The following ADAMTS3 variants were observed in gnomAD, a reference collection of about 807,000 sequenced individuals.
ADAMTS3 encodes the protein A disintegrin and metalloproteinase with thrombospondin motifs 3.
In ADAMTS3, 73 loss-of-function variants were observed where a neutral mutation model predicts 129.0. The observed-to-expected ratio is 0.57, with a 90% CI of 0.47 to 0.69. ADAMTS3 has a LOEUF of 0.69. Among genes scored for constraint, ADAMTS3 ranks in the 30% least tolerant of loss-of-function variants. ADAMTS3 has a pLI of 0.00. For synonymous variants in ADAMTS3, 477 were observed against 510.8 expected (o/e 0.93, Z 0.89); for missense variants, 1,457 against 1,514.5 (o/e 0.96, Z 0.63).
intron 4 of ADAMTS3, among the ~76,000 whole-genome samples, chr4:72,385,039 A>G (rs1249358006): frequency 1.3e-5 from 2 of 151,934 alleles, no homozygotes; most frequent in African/African-American, 4.8e-5. Context: ...ATTAGCCGGG[A>G]TTGGTGGCGG....
In ADAMTS3 at chr4:72,548,834, T is replaced by C. The variant is rs149097404; in HGVS notation, c.148A>G (p.Thr50Ala). 44 of 1,613,658 alleles carry C rather than the reference T, an allele frequency of 2.7e-5. No individual in the cohort carries two copies. The highest frequency in any genetic ancestry group is 5.9e-6 in the Non-Finnish European group (7 of 1,179,840). Reference protein sequence around the residue: ...REYELVTPVSTNLEGRYLSHT... With the variant: ...REYELVTPVSANLEGRYLSHT... ...GAGAGATAGCGTCCTTCTAGATTTGTGCTGACTGGAGTCACCAGCTCATAC... is the reference window on the plus strand; with the variant it reads ...GAGAGATAGCGTCCTTCTAGATTTGCGCTGACTGGAGTCACCAGCTCATAC... Residue 50 changes from threonine (T) to alanine (A), a missense_variant, in exon 3 of 22, where the codon ACA (threonine) becomes GCA (alanine). Thr to Ala is a moderately conservative substitution (Grantham distance 58). Coordinates refer to ENST00000286657, the MANE Select transcript of ADAMTS3 (RefSeq NM_014243.3).
chr4:72,490,615 C>T (rs1300185647), intron 3 of ADAMTS3, among the ~76,000 whole-genome samples: 4 of 151,894 alleles, frequency 2.6e-5, no homozygotes, highest in Non-Finnish European at 4.4e-5. Context: ...GTCTTTTCCA[C>T]ATTATGTATT....
chr4:72,567,394 T>C lies in ADAMTS3; in HGVS notation c.77A>G (p.Asn26Ser), dbSNP rs762942316. Residue 26 changes from asparagine (N) to serine (S), a missense_variant, in exon 2 of 22, where the codon AAT becomes AGT. Coordinates refer to ENST00000286657, the MANE Select transcript of ADAMTS3 (RefSeq NM_014243.3). The stretch of plus-strand genomic sequence containing the variant: ...CTTACCTATTTGCACCATTTCTTCA[T>C]TACCAGCCTGGAAAGGAGGGGGAAA... ...VRTSADGQAG[N>S]EEMVQIDLPI... is the part of the protein sequence containing the mutation. 6.3e-7 allele frequency: 1 copy of C among 1,587,158 alleles called. No individual in the cohort carries two copies. Among genetic ancestry groups the C allele is most frequent in the Non-Finnish European group, 8.6e-7 (1 of 1,166,112 alleles).
chr4:72,281,432 C>T lies in ADAMTS3; in HGVS notation c.*1704G>A, dbSNP rs1001231575. The T allele has an allele frequency of 6.6e-6, 1 of 152,510 alleles. No homozygotes were observed. The highest frequency in any genetic ancestry group is 2.4e-5 in the African/African-American group (1 of 41,446). The allele number at this position is 152,510 out of a possible 1,614,324, so 9.4% of individuals were successfully genotyped here. A position where few individuals can be genotyped will look rare whatever the true frequency, so the allele number is the denominator to read the frequency against. ...TTAGTTTGTATAATATATTTTTAGA[C>T]AGCTCAGGTACTGACCTCAAAATCA... On this transcript the variant is annotated 3_prime_UTR_variant, in exon 22 of 22. Coordinates refer to ENST00000286657, the MANE Select transcript of ADAMTS3 (RefSeq NM_014243.3).
intron 4 of ADAMTS3, among the ~76,000 whole-genome samples, chr4:72,351,071 T>TG (rs1186135008): frequency 6.6e-6 from 1 of 151,966 alleles, no homozygotes; most frequent in Non-Finnish European, 1.5e-5. Flanking sequence ...GACAATAAGC[T>TG]GGGGCAATCC....
chr4:72,492,117 CTT>C (rs904396167), intron 3 of ADAMTS3, among the ~76,000 whole-genome samples: 6 of 151,616 alleles, frequency 4.0e-5, no homozygotes, highest in Non-Finnish European at 5.9e-5. Context: ...AATGTCTCCT[CTT>C]ATATTTCTGA....
intron 10 of ADAMTS3, among the ~76,000 whole-genome samples, chr4:72,316,503 T>C (rs1719399251): frequency 6.6e-6 from 1 of 151,976 alleles, no homozygotes; most frequent in Non-Finnish European, 1.5e-5. Context: ...CTGGTCAACA[T>C]AGTGAAACCC....
At chr4:72,502,757 A>G (rs1720057355) in intron 3 of ADAMTS3, among the ~76,000 whole-genome samples, 1 of 152,116 alleles carries the variant, frequency 6.6e-6, no homozygotes, top group South Asian at 2.1e-4. Flanking sequence ...TCTGGGGTAC[A>G]TGTGCAGAAC....
chr4:72,456,363 A>ATGTACTC (rs1718617628), intron 3 of ADAMTS3, among the ~76,000 whole-genome samples: 2 of 1,756 alleles, frequency 1.1e-3, no homozygotes, highest in African/African-American at 3.4e-3. Context: ...AGTATATAGT[A>ATGTACTC]TACAATATAT....
intron 4 of ADAMTS3, among the ~76,000 whole-genome samples, chr4:72,356,473 T>C (rs1578610397): frequency 6.6e-6 from 1 of 152,072 alleles, no homozygotes; most frequent in South Asian, 2.1e-4. Context: ...ATAATGTTTT[T>C]GTAATCCCTA....
chr4:72,476,367 G>C (rs1252378960), intron 3 of ADAMTS3, among the ~76,000 whole-genome samples: 1 of 151,922 alleles, frequency 6.6e-6, no homozygotes, highest in Non-Finnish European at 1.5e-5. Context: ...TAACAACTTA[G>C]ACAAAATAAA....
At chr4:72,334,236 A>C (rs1323173399) in intron 5 of ADAMTS3, among the ~76,000 whole-genome samples, 1 of 152,108 alleles carries the variant, frequency 6.6e-6, no homozygotes, top group African/African-American at 2.4e-5. Flanking sequence ...CATAGTTCTT[A>C]TGTAACCTAT....
In ADAMTS3 at chr4:72,548,983, C is replaced by CA. The variant is rs1293731133; in HGVS notation, c.98-100dup. On this transcript the variant is annotated intron_variant, in intron 2 of 21. Coordinates refer to ENST00000286657, the MANE Select transcript of ADAMTS3 (RefSeq NM_014243.3). ...CTGCCCACCTCACAAGACCATACTT[C>CA]AATGTGCATAATATAGACATTCCTG... The CA allele has an allele frequency of 1.1e-5, 12 of 1,074,214 alleles. No homozygotes were observed. In the East Asian group the frequency reaches 2.9e-4, roughly 26 times the overall value. The allele number at this position is 1,074,214 out of a possible 1,614,324, so 66.5% of individuals were successfully genotyped here. A position where few individuals can be genotyped will look rare whatever the true frequency, so the allele number is the denominator to read the frequency against.
Position 72,541,297 on chromosome 4 carries a change from C to G in ADAMTS3, c.504+7181G>C, listed in dbSNP as rs536343310. Among the ~76,000 whole-genome samples, 3 of 152,276 alleles carry G rather than the reference C, an allele frequency of 2.0e-5. No individual in the cohort carries two copies. The South Asian group carries it at 6.2e-4, about 32-fold the overall frequency. On this transcript the variant is annotated intron_variant, in intron 3 of 21. Coordinates refer to ENST00000286657, the MANE Select transcript of ADAMTS3 (RefSeq NM_014243.3). ...AGCCCCTTTGTTTTGGCCAGTTTCTCCCACTTGGAATGGGTGTATTTACCC... is the reference window on the plus strand; with the variant it reads ...AGCCCCTTTGTTTTGGCCAGTTTCTGCCACTTGGAATGGGTGTATTTACCC...
chr4:72,549,275 GA>G (rs1721550310), intron 2 of ADAMTS3, among the ~76,000 whole-genome samples: 2 of 152,148 alleles, frequency 1.3e-5, no homozygotes, highest in African/African-American at 4.8e-5. Flanking sequence ...TTATTATGTA[GA>G]AAAAAGAATT....
chr4:72,500,995 A>G (rs1279636097), intron 3 of ADAMTS3, among the ~76,000 whole-genome samples: 1 of 152,170 alleles, frequency 6.6e-6, no homozygotes, highest in Non-Finnish European at 1.5e-5. Context: ...TGCATGTACC[A>G]TGCTGTTTTA....
intron 21 of ADAMTS3, among the ~76,000 whole-genome samples, chr4:72,285,876 C>T (rs898504718): frequency 6.6e-6 from 1 of 151,950 alleles, no homozygotes; most frequent in Non-Finnish European, 1.5e-5. Flanking sequence ...TCTCGTTCCA[C>T]CCCCAAATCA....
chr4:72,441,233 G>A (rs565221780), intron 3 of ADAMTS3, among the ~76,000 whole-genome samples: 1 of 151,788 alleles, frequency 6.6e-6, no homozygotes, highest in East Asian at 2.0e-4. Flanking sequence ...ATTGTTGCAT[G>A]AATCAGTAGT....
intron 3 of ADAMTS3, among the ~76,000 whole-genome samples, chr4:72,521,186 C>G (rs989237559): frequency 8.6e-5 from 13 of 151,982 alleles, no homozygotes; most frequent in African/African-American, 3.1e-4. Context: ...TTAGTAGAGA[C>G]AGGGTTTCAC....
Sources: gnomAD v4.1 joint callset for allele counts (sites outside exome capture counted in the v4.1 genomes callset) on GRCh38, gnomAD v4.1.1 for gene constraint, MANE v1.5 for transcripts, NCBI Gene and HGNC (gene_info 2026-07-23, HGNC 2026-07-21) for gene names.